MAP3K7: variants seen among roughly 807,000 people sequenced by gnomAD.
MAP3K7 encodes TGF-beta activated kinase 1.
Under a neutral mutation model 84.8 loss-of-function variants are expected in MAP3K7, and 21 were observed. The ratio of observed to expected loss-of-function variants is 0.25; its 90% confidence interval spans 0.18 to 0.36. The LOEUF is 0.36. MAP3K7 is among the 10% of genes least tolerant of loss of function. The probability of loss-of-function intolerance (pLI) is 1.00; values close to 1 mark genes in which losing one functional copy is unlikely to be tolerated. For missense variants in MAP3K7, 503 were observed against 747.7 expected, an observed-to-expected ratio of 0.67 and a Z score of 3.82; for synonymous variants, 241 against 247.7, an observed-to-expected ratio of 0.97 and a Z score of 0.25.
intron 4 of MAP3K7, among the ~76,000 whole-genome samples, chr6:90,561,097 G>A (rs1776497836): frequency 6.6e-6 from 1 of 152,036 alleles, no homozygotes; most frequent in African/African-American, 2.4e-5. Context: ...TATATAACTG[G>A]TGCTACAAGA....
At chr6:90,547,681 A>T (rs961183258) in intron 10 of MAP3K7, among the ~76,000 whole-genome samples, 3 of 152,218 alleles carry the variant, frequency 2.0e-5, no homozygotes, top group African/African-American at 7.2e-5. Flanking sequence ...TTTAAAAATC[A>T]ACAATGGCAA....
At chr6:90,570,256 A>G (rs1050681966) in intron 2 of MAP3K7, among the ~76,000 whole-genome samples, 44 of 152,216 alleles carry the variant, frequency 2.9e-4, no homozygotes, top group Non-Finnish European at 4.4e-4. Context: ...AATGACTAGC[A>G]ATAACTGATA....
chr6:90,577,385 C>T (rs1022100116), intron 1 of MAP3K7, among the ~76,000 whole-genome samples: 7 of 151,988 alleles, frequency 4.6e-5, no homozygotes, highest in East Asian at 1.9e-4. Context: ...AAGGTAGAAA[C>T]GTGAGTGAGA....
chr6:90,535,461 T>C (rs1255688301), intron 13 of MAP3K7, among the ~76,000 whole-genome samples: 1 of 151,968 alleles, frequency 6.6e-6, no homozygotes, highest in African/African-American at 2.4e-5. Flanking sequence ...CTTCTTAATA[T>C]GTAACAATTT....
intron 14 of MAP3K7, among the ~76,000 whole-genome samples, chr6:90,523,412 C>T (rs1775217794): frequency 6.6e-6 from 1 of 151,552 alleles, no homozygotes; most frequent in African/African-American, 2.4e-5. Context: ...ATTCAATACG[C>T]TTCGCAACTG....
intron 3 of MAP3K7, among the ~76,000 whole-genome samples, chr6:90,568,310 C>T (rs1776782257): frequency 6.6e-6 from 1 of 150,940 alleles, no homozygotes; most frequent in South Asian, 2.1e-4. Context: ...GCTGTATTCT[C>T]ACTATTTAGA....
At chr6:90,564,254 A>T (rs1776623438) in intron 3 of MAP3K7, among the ~76,000 whole-genome samples, 1 of 152,244 alleles carries the variant, frequency 6.6e-6, no homozygotes. Flanking sequence ...AAATGCTCCA[A>T]ATGAAAGACA....
In MAP3K7 at chr6:90,581,743, A is replaced by G. The variant is rs552220408; in HGVS notation, c.120+5021T>C. On this transcript the variant is annotated intron_variant, in intron 1 of 16. Transcript: ENST00000369329. Reference sequence around the variant, plus strand: ...TGAAATCAGTGGTCACTTTCACATGAAAGAATGTATTGATTATTTTAGGTA... The same window carrying G: ...TGAAATCAGTGGTCACTTTCACATGGAAGAATGTATTGATTATTTTAGGTA... Among the ~76,000 whole-genome samples the G allele has an allele frequency of 3.1e-4, 47 of 152,324 alleles. 1 individual carries two copies. The South Asian group carries it at 9.5e-3, about 31-fold the overall frequency.
chr6:90,517,460 C>T (rs34636294), intron 16 of MAP3K7, among the ~76,000 whole-genome samples: 79 of 151,870 alleles, frequency 5.2e-4, no homozygotes, highest in Admixed American at 9.9e-4. Context: ...ATAGTTTTCA[C>T]AGCCAACACC....
At chr6:90,568,736 T>C in intron 2 of MAP3K7, 113 bp from the exon 3 acceptor site, 1 of 751,102 alleles carries the variant, frequency 1.3e-6, no homozygotes, top group Non-Finnish European at 2.1e-6. Flanking sequence ...CATTCAACAA[T>C]CACTATTTAC....
chr6:90,530,213 G>A (rs1775463565), intron 13 of MAP3K7, among the ~76,000 whole-genome samples: 3 of 152,088 alleles, frequency 2.0e-5, no homozygotes, highest in Admixed American at 2.0e-4. Context: ...TAATGCTAAT[G>A]CACATTTTAA....
chr6:90,545,294 T>C (rs1008844840), intron 11 of MAP3K7, among the ~76,000 whole-genome samples: 1 of 152,138 alleles, frequency 6.6e-6, no homozygotes, highest in African/African-American at 2.4e-5. Context: ...AAAATTTAAA[T>C]TGTGTAAAAC....
chr6:90,559,462 G>A (rs772263561), intron 5 of MAP3K7, among the ~76,000 whole-genome samples: 8 of 151,982 alleles, frequency 5.3e-5, no homozygotes, highest in Non-Finnish European at 1.0e-4. Flanking sequence ...AGAGAGAAAA[G>A]GAAACAATAT....
At chr6:90,517,044 A>T in intron 16 of MAP3K7, among the ~76,000 whole-genome samples, 1 of 151,852 alleles carries the variant, frequency 6.6e-6, no homozygotes, top group East Asian at 1.9e-4. Flanking sequence ...TTTATCCTTC[A>T]CATTCTACTT....
intron 13 of MAP3K7, among the ~76,000 whole-genome samples, chr6:90,535,698 A>G (rs1775648823): frequency 6.6e-6 from 1 of 152,154 alleles, no homozygotes; most frequent in African/African-American, 2.4e-5. Context: ...GGCTTAAATT[A>G]TAACACTGTC....
At chr6:90,520,243 C>G (rs1775103886) in intron 14 of MAP3K7, among the ~76,000 whole-genome samples, 1 of 151,902 alleles carries the variant, frequency 6.6e-6, no homozygotes, top group Non-Finnish European at 1.5e-5. Context: ...TGACGAATAA[C>G]TCCTTGAAGG....
chr6:90,552,234 G>A, intron 7 of MAP3K7, 55 bp from the exon 8 acceptor site: 2 of 1,497,640 alleles, frequency 1.3e-6, no homozygotes, highest in Non-Finnish European at 9.2e-7. Flanking sequence ...AAAGAATGAT[G>A]CAAACTCTTT....
intron 11 of MAP3K7, among the ~76,000 whole-genome samples, chr6:90,546,972 G>C (rs1331042891): frequency 1.3e-5 from 2 of 152,038 alleles, no homozygotes; most frequent in African/African-American, 2.4e-5. Flanking sequence ...TTCTCACTTA[G>C]ACTTTCAACT....
chr6:90,516,183 A>G lies in MAP3K7; in HGVS notation c.*318T>C. 3.1e-6 allele frequency: 1 copy of G among 322,798 alleles called. No individual in the cohort carries two copies. The highest frequency in any genetic ancestry group is 9.1e-4 in the Middle Eastern group (1 of 1,100). 20.0% of individuals were successfully genotyped at this position (322,798 alleles called of 1,614,324 possible). ...CTGTTTGCACATAGCAGCTAGTTTG[A>G]TACCTCCTGTTCTGTTAGGCTAGCC... is the stretch of plus-strand genomic sequence containing the variant. On this transcript the variant is annotated 3_prime_UTR_variant, in exon 17 of 17. Coordinates refer to ENST00000369329, the MANE Select transcript of MAP3K7 (RefSeq NM_145331.3).
Sources: gnomAD v4.1 joint callset for allele counts (sites outside exome capture counted in the v4.1 genomes callset) on GRCh38, gnomAD v4.1.1 for gene constraint, MANE v1.5 for transcripts, NCBI Gene and HGNC (gene_info 2026-07-23, HGNC 2026-07-21) for gene names.